The following DNAH5 variants were observed in gnomAD, a reference collection of about 807,000 sequenced individuals.
DNAH5 encodes dynein axonemal heavy chain 5.
Under a neutral mutation model 518.2 loss-of-function variants are expected in DNAH5, and 372 were observed. The ratio of observed to expected loss-of-function variants is 0.72; its 90% CI spans 0.66 to 0.78. The LOEUF (loss-of-function observed/expected upper bound fraction) is 0.78. Ranked by LOEUF, DNAH5 falls within the 30% of genes least tolerant of loss-of-function variation. DNAH5 has a pLI of 0.00. For synonymous variants in DNAH5, 2,039 were observed against 2,025.9 expected, an observed-to-expected ratio of 1.01 and a Z score of -0.17; for missense variants, 5,523 against 5,687.0, an observed-to-expected ratio of 0.97 and a Z score of 0.93.
intron 1 of DNAH5, among the ~76,000 whole-genome samples, chr5:13,999,435 A>G (rs1046816910): frequency 1.4e-4 from 22 of 152,226 alleles, no homozygotes; most frequent in African/African-American, 5.3e-4. Flanking sequence ...TAGATACCTC[A>G]TCTAAGTGGA....
intron 8 of DNAH5, 114 bp from the exon 9 acceptor site, chr5:13,916,569 TA>T: frequency 1.8e-6 from 1 of 558,596 alleles, no homozygotes; most frequent in Non-Finnish European, 3.3e-6. Context: ...ATTAAAGATT[TA>T]AAAATACTAT....
At position 13,958,910 on chromosome 5, in the gene DNAH5, T is replaced by C. The variant is rs143685127; in HGVS notation, c.13-27666A>G. Among the ~76,000 whole-genome samples the C allele has an allele frequency of 4.4e-3, 669 of 152,354 alleles. 3 individuals carry two copies. Among genetic ancestry groups the C allele is most frequent in the African/African-American group, 0.015 (641 of 41,586 alleles). ...CAAATCACAAGCTCCTACAATGTTA[T>C]GTCAGAAATTAATCATGAAGGAATT... On this transcript the variant is annotated intron_variant, in intron 1 of 78. Coordinates refer to the DNAH5 transcript ENST00000681290.
intron 55 of DNAH5, among the ~76,000 whole-genome samples, chr5:13,773,314 C>A (rs1432264919): frequency 6.6e-6 from 1 of 151,800 alleles, no homozygotes; most frequent in Non-Finnish European, 1.5e-5. Flanking sequence ...TTCAAATATT[C>A]CAAAGAGAAC....
Position 13,810,073 on chromosome 5 carries a change from T to C in DNAH5, c.7595A>G (p.Tyr2532Cys), listed in dbSNP as rs1273674445. ...GGTGTCCTCACCATCGGGCGCCACA[T>C]AGTAGTCGAAGGCGGTGTCCCCGGG... ...AGPGDTAFDYYVAPDGTWTHW... is the reference protein window; with the variant it reads ...AGPGDTAFDYCVAPDGTWTHW... Residue 2532 changes from tyrosine (Y) to cysteine (C), a missense_variant, in exon 45 of 79, where the codon TAT (tyrosine) becomes TGT (cysteine). Tyr to Cys is a radical substitution (Grantham distance 194). Transcript: ENST00000265104. 1.9e-6 allele frequency: 3 copies of C among 1,552,644 alleles called. No homozygotes were observed. Among genetic ancestry groups the C allele is most frequent in the South Asian group, 2.4e-5 (2 of 84,192 alleles).
chr5:13,779,845 T>G (rs916637548), intron 53 of DNAH5, among the ~76,000 whole-genome samples: 2 of 152,218 alleles, frequency 1.3e-5, no homozygotes, highest in Non-Finnish European at 2.9e-5. Flanking sequence ...TTCTCACTGC[T>G]GCCACTCATG....
At chr5:13,907,370 G>T (rs1775438999) in intron 12 of DNAH5, among the ~76,000 whole-genome samples, 1 of 152,182 alleles carries the variant, frequency 6.6e-6, no homozygotes, top group African/African-American at 2.4e-5. Flanking sequence ...GGCAGAGGTT[G>T]CAGTGAGCCG....
chr5:13,814,570 C>T (rs969611587), intron 43 of DNAH5, 35 bp downstream of exon 43: 8 of 1,608,262 alleles, frequency 5.0e-6, no homozygotes, highest in Non-Finnish European at 6.0e-6. Context: ...ATCTGTTTTC[C>T]TTTTTAATTA....
In DNAH5 at chr5:13,830,747, C is replaced by T. The variant is rs764973765; in HGVS notation, c.5911G>A (p.Gly1971Arg). 80 of 1,614,006 alleles carry T rather than the reference C, an allele frequency of 5.0e-5. No homozygotes were observed. Among genetic ancestry groups the T allele is most frequent in the Non-Finnish European group, 4.3e-5 (51 of 1,180,032 alleles). The change falls in exon 36 of 79, where the codon GGA becomes AGA. Residue 1971 changes from glycine (G) to arginine (R), a missense_variant. This residue lies in a region of DNAH5 where 5,121 missense variants were observed against 5,223.3 expected (regional missense o/e 0.98). Transcript: ENST00000265104. ...RCYITLAQAL[G>R]MSMGGAPAGP... ...GCAGGGGCTCCCCCCATGCTCATTC[C>T]CAGAGCTTGAGCCAGCGTGATGTAA...
Position 13,864,578 on chromosome 5 carries a change from ATCT to A in DNAH5, c.4412_4414del (p.Lys1471del), listed in dbSNP as rs1481866039. ...GCAACACTCGCTGAAATCATCAATGATCTTCTTCAGGTCCAAAAAAGCCTGCCA... is the reference window on the plus strand; with the variant it reads ...GCAACACTCGCTGAAATCATCAATGATCTTCAGGTCCAAAAAAGCCTGCCA... On this transcript the variant is annotated inframe_deletion, in exon 28 of 79. Coordinates refer to ENST00000265104, the MANE Select transcript of DNAH5 (RefSeq NM_001369.3). 1.9e-6 allele frequency: 3 copies of A among 1,613,992 alleles called. No homozygotes were observed. The highest frequency in any genetic ancestry group is 1.3e-5 in the African/African-American group (1 of 74,906).
chr5:13,751,062 G>A lies in DNAH5; in HGVS notation c.11211+16C>T. The A allele has an allele frequency of 2.5e-6, 4 of 1,613,330 alleles. No individual in the cohort carries two copies. The highest frequency in any genetic ancestry group is 2.5e-6 in the Non-Finnish European group (3 of 1,179,418). On this transcript the variant is annotated intron_variant, in intron 65 of 78. Transcript: ENST00000265104. ...TTAAAGCAATGCAGAATGGGAGGGA[G>A]CCACACTTCACTCACCTGCTTCTCT...
chr5:13,976,437 T>A (rs1431750614), intron 1 of DNAH5, among the ~76,000 whole-genome samples: 2 of 152,156 alleles, frequency 1.3e-5, no homozygotes, highest in African/African-American at 4.8e-5. Flanking sequence ...AGAGTACCCA[T>A]GCTGTATACA....
At position 13,871,627 on chromosome 5, in the gene DNAH5, G is replaced by A. The variant is rs745800766; in HGVS notation, c.3535C>T (p.Leu1179=). ...GGCTCAGCATTAATTTCCTGCTCTA[G>A]GTTTTGGAAATAGAGAATCTGGGAC... ...FESQILYFQN[L]EQEINAEPEY... Residue 1179 remains leucine, a synonymous_variant, in exon 23 of 79, where the codon CTA becomes TTA. Coordinates refer to ENST00000265104, the MANE Select transcript of DNAH5 (RefSeq NM_001369.3). 1 of 1,613,714 alleles carries A rather than the reference G, an allele frequency of 6.2e-7. No homozygotes were observed. The highest frequency in any genetic ancestry group is 2.2e-5 in the East Asian group (1 of 44,864).
Position 13,841,008 on chromosome 5 carries a change from T to C in DNAH5, c.5607A>G (p.Thr1869=), listed in dbSNP as rs2151860270. Residue 1869 remains threonine, a synonymous_variant, in exon 34 of 79, where the codon ACA becomes ACG. Coordinates refer to ENST00000265104, the MANE Select transcript of DNAH5 (RefSeq NM_001369.3). ...GATCCCTCGTGGTGACGTCTATCAA[T>C]GTATTGAGTAGCTCCAGGAAAGCCT... ...TNQAFLELLN[T]LIDVTTRDLS... 4 of 1,614,192 alleles carry C rather than the reference T, an allele frequency of 2.5e-6. No homozygotes were observed. Among genetic ancestry groups the C allele is most frequent in the South Asian group, 1.1e-5 (1 of 91,082 alleles).
rs573222037 is a variant in DNAH5 at position 13,864,973 on chromosome 5, C to A, written c.4356-336G>T. 4.7e-5 allele frequency among the ~76,000 whole-genome samples: 7 copies of A among 150,494 alleles called. No homozygotes were observed. The South Asian group carries it at 1.3e-3, about 27-fold the overall frequency. ...AAGCACAAAGCATAGCAAAGTGTATCAGGCTGTGAAGTGAAATATGCAACA... is the reference window on the plus strand; with the variant it reads ...AAGCACAAAGCATAGCAAAGTGTATAAGGCTGTGAAGTGAAATATGCAACA... On this transcript the variant is annotated intron_variant, in intron 27 of 78. Coordinates refer to ENST00000265104, the MANE Select transcript of DNAH5 (RefSeq NM_001369.3).
chr5:13,900,198 T>C lies in DNAH5; in HGVS notation c.2259+8A>G, dbSNP rs202137813. On this transcript the variant is annotated splice_region_variant and intron_variant, in intron 15 of 78. Transcript: ENST00000265104. ...CAAGAATGGGGGGAAAAAATAAAAG[T>C]AGTATACCTTCATGTTACTGAAGTT... 2.4e-5 allele frequency: 38 copies of C among 1,607,282 alleles called. No homozygotes were observed. The East Asian group carries it at 8.0e-4, about 34-fold the overall frequency.
chr5:13,696,803 C>T (rs1266353530), intron 78 of DNAH5, among the ~76,000 whole-genome samples: 2 of 152,182 alleles, frequency 1.3e-5, no homozygotes, highest in Non-Finnish European at 2.9e-5. Flanking sequence ...CCAACTCTTA[C>T]TGAAATCAAA....
chr5:13,887,915 G>A (rs1179975152), intron 17 of DNAH5, among the ~76,000 whole-genome samples: 1 of 151,966 alleles, frequency 6.6e-6, no homozygotes, highest in African/African-American at 2.4e-5. Context: ...ATGCTACTCG[G>A]GAATCATTCT....
At chr5:13,853,244 C>T (rs1305258731) in intron 30 of DNAH5, among the ~76,000 whole-genome samples, 2 of 152,162 alleles carry the variant, frequency 1.3e-5, no homozygotes, top group East Asian at 3.9e-4. Flanking sequence ...TGGATTGGAA[C>T]CCCAGCAAAC....
rs1439414354 is a variant in DNAH5 at position 13,729,502 on chromosome 5, G to A, written c.11820C>T (p.Asp3940=). ...GTTCCACCAAATTCAGCCATGTTATGTCCAGGATCCATTTTGATGGTTTTG... is the reference window on the plus strand; with the variant it reads ...GTTCCACCAAATTCAGCCATGTTATATCCAGGATCCATTTTGATGGTTTTG... ...CPPKPSKWIL[D]ITWLNLVELS... Residue 3940 remains aspartate, a synonymous_variant, in exon 69 of 79, where the codon GAC becomes GAT. Coordinates refer to ENST00000265104, the MANE Select transcript of DNAH5 (RefSeq NM_001369.3). 1 of 1,613,942 alleles carries A rather than the reference G, an allele frequency of 6.2e-7. No individual in the cohort carries two copies.
Sources: allele counts gnomAD v4.1 joint callset (sites outside exome capture counted in the v4.1 genomes callset), GRCh38; gene constraint gnomAD v4.1.1; regional missense constraint gnomAD v4.1.1; transcripts MANE v1.5; gene names NCBI Gene and HGNC (gene_info 2026-07-23, HGNC 2026-07-21).